Variants in CNTN3 observed in about 807,000 individuals in gnomAD.
The protein encoded by CNTN3 is contactin 3.
CNTN3 carries 60 observed loss-of-function variants against 119.1 expected under a neutral mutation model. The ratio of observed to expected loss-of-function variants is 0.50; its 90% CI spans 0.41 to 0.62. The LOEUF is 0.62. CNTN3 is among the 20% of genes least tolerant of loss of function. The pLI is 0.00. For synonymous variants in CNTN3, 450 were observed against 438.7 expected, an observed-to-expected ratio of 1.03 and a Z score of -0.32; for missense variants, 1,101 against 1,242.4, an observed-to-expected ratio of 0.89 and a Z score of 1.71.
intron 13 of CNTN3, among the ~76,000 whole-genome samples, chr3:74,312,277 C>A (rs756579364): frequency 2.6e-5 from 4 of 151,616 alleles, no homozygotes; most frequent in Non-Finnish European, 5.9e-5. Context: ...CATGGTGAAA[C>A]CATGTCTCTA....
At chr3:74,333,674 C>T (rs1409721796) in intron 13 of CNTN3, among the ~76,000 whole-genome samples, 4 of 151,528 alleles carry the variant, frequency 2.6e-5, no homozygotes, top group African/African-American at 9.8e-5. Flanking sequence ...AATAAGGTCA[C>T]ATTCTGAGGT....
chr3:74,493,320 C>G (rs997883902), intron 3 of CNTN3, among the ~76,000 whole-genome samples: 1 of 152,016 alleles, frequency 6.6e-6, no homozygotes, highest in African/African-American at 2.4e-5. Context: ...GCTAACAAAA[C>G]CGACTTTAAG....
chr3:74,285,475 C>A lies in CNTN3; in HGVS notation c.2534G>T (p.Gly845Val), dbSNP rs760240335. 2.0e-5 allele frequency: 32 copies of A among 1,611,490 alleles called. No individual in the cohort carries two copies. The highest frequency in any genetic ancestry group is 2.6e-5 in the Non-Finnish European group (31 of 1,178,892). ...ACTGGATGATTCCTCCTTTCCACCCCCATTCCAGTACCGCACCTGGTGGGC... is the reference window on the plus strand; with the variant it reads ...ACTGGATGATTCCTCCTTTCCACCCACATTCCAGTACCGCACCTGGTGGGC... ...LLGYEVRYWN[G>V]GGKEESSSKM... The change falls in exon 20 of 23, where the codon GGG (glycine) becomes GTG (valine). Residue 845 changes from glycine (G) to valine (V), a missense_variant. Physicochemically the swap from Gly to Val is moderately radical, Grantham distance 109. Transcript: ENST00000263665.
At chr3:74,573,758 T>C (rs1322411379) in intron 1 of CNTN3, among the ~76,000 whole-genome samples, 1 of 149,454 alleles carries the variant, frequency 6.7e-6, no homozygotes, top group East Asian at 2.0e-4. Context: ...CTCACAGTGA[T>C]AGCCGTAATT....
chr3:74,415,950 A>G (rs992155078), intron 5 of CNTN3, among the ~76,000 whole-genome samples: 2 of 152,146 alleles, frequency 1.3e-5, no homozygotes, highest in African/African-American at 2.4e-5. Context: ...CCCTGGGCCA[A>G]TCGGTTGAAG....
chr3:74,275,906 A>G (rs1407971258), intron 20 of CNTN3, among the ~76,000 whole-genome samples: 3 of 152,168 alleles, frequency 2.0e-5, no homozygotes, highest in Non-Finnish European at 4.4e-5. Context: ...CTCACCTAAC[A>G]CATAGGGACT....
At chr3:74,331,763 G>C (rs927329548) in intron 13 of CNTN3, among the ~76,000 whole-genome samples, 1 of 152,078 alleles carries the variant, frequency 6.6e-6, no homozygotes, top group Non-Finnish European at 1.5e-5. Flanking sequence ...CTCCTCCTTT[G>C]TGATGTGCCA....
At chr3:74,484,793 A>T (rs1702822442) in intron 4 of CNTN3, among the ~76,000 whole-genome samples, 1 of 152,090 alleles carries the variant, frequency 6.6e-6, no homozygotes. Context: ...AGAGCAAAAC[A>T]CTCGGAATTC....
Position 74,302,689 on chromosome 3 carries a change from C to CCTCTTACTATGAGGTCAGCAG in CNTN3, c.1766_1786dup (p.Ala589_Arg595dup). On this transcript the variant is annotated inframe_insertion and splice_region_variant. Transcript: ENST00000263665. ...AACTCAAGGGGGCATAAATGTTTTA[C>CCTCTTACTATGAGGTCAGCAG]CTCTTACTATGAGGTCAGCAGCAGA... 3.1e-6 allele frequency: 5 copies of CCTCTTACTATGAGGTCAGCAG among 1,588,900 alleles called. No individual in the cohort carries two copies. The highest frequency in any genetic ancestry group is 4.3e-6 in the Non-Finnish European group (5 of 1,158,132).
chr3:74,392,453 C>G (rs1199457358), intron 5 of CNTN3, among the ~76,000 whole-genome samples: 1 of 150,172 alleles, frequency 6.7e-6, no homozygotes, highest in Non-Finnish European at 1.5e-5. Context: ...AAATAAACAT[C>G]TATTCAGCAA....
At chr3:74,279,091 A>G (rs2106768496) in intron 20 of CNTN3, among the ~76,000 whole-genome samples, 1 of 152,274 alleles carries the variant, frequency 6.6e-6, no homozygotes, top group Middle Eastern at 3.4e-3. Flanking sequence ...ATGGCCATCA[A>G]TAAAAAATCA....
chr3:74,381,373 A>G (rs560262913), intron 5 of CNTN3, among the ~76,000 whole-genome samples: 3 of 152,276 alleles, frequency 2.0e-5, no homozygotes, highest in African/African-American at 7.2e-5. Flanking sequence ...ATGTCTGGAT[A>G]TGCAAAATAA....
chr3:74,502,795 CCCTT>C (rs1208995067), intron 2 of CNTN3, among the ~76,000 whole-genome samples: 4 of 152,112 alleles, frequency 2.6e-5, no homozygotes, highest in Non-Finnish European at 5.9e-5. Flanking sequence ...TCATTATACA[CCCTT>C]CATTTCCACC....
chr3:74,525,063 C>G (rs1703599158), intron 1 of CNTN3, among the ~76,000 whole-genome samples: 1 of 151,614 alleles, frequency 6.6e-6, no homozygotes, highest in Admixed American at 6.6e-5. Flanking sequence ...CAAGTTTAAT[C>G]AGGGAGGTGA....
At chr3:74,390,427 T>G (rs1033660941) in intron 5 of CNTN3, among the ~76,000 whole-genome samples, 27 of 151,430 alleles carry the variant, frequency 1.8e-4, no homozygotes, top group Non-Finnish European at 4.0e-4. Context: ...TGGCTCTGCT[T>G]CCACAGTTCT....
chr3:74,270,392 C>T (rs1490138526), intron 20 of CNTN3, among the ~76,000 whole-genome samples: 1 of 152,128 alleles, frequency 6.6e-6, no homozygotes, highest in African/African-American at 2.4e-5. Context: ...ATTGGCTGCT[C>T]CATTATTCTG....
At chr3:74,330,355 C>G (rs75969731) in intron 13 of CNTN3, among the ~76,000 whole-genome samples, 18 of 115,094 alleles carry the variant, frequency 1.6e-4, no homozygotes, top group African/African-American at 5.8e-4. Flanking sequence ...GACCCTGTCT[C>G]AAAAAAAAAA....
At chr3:74,569,752 T>C (rs1704280681) in intron 1 of CNTN3, among the ~76,000 whole-genome samples, 2 of 152,198 alleles carry the variant, frequency 1.3e-5, no homozygotes, top group South Asian at 4.1e-4. Context: ...ATTTTAGCTG[T>C]GTCCTCTGCT....
chr3:74,535,270 G>A (rs1410513385), intron 1 of CNTN3, among the ~76,000 whole-genome samples: 1 of 151,978 alleles, frequency 6.6e-6, no homozygotes, highest in Non-Finnish European at 1.5e-5. Context: ...CTGTATCTAG[G>A]TGTATAAAAC....
Sources: allele counts gnomAD v4.1 joint callset (sites outside exome capture counted in the v4.1 genomes callset), GRCh38; gene constraint gnomAD v4.1.1; transcripts MANE v1.5; gene names NCBI Gene and HGNC (gene_info 2026-07-23, HGNC 2026-07-21).